Variants in CBLB observed in about 807,000 individuals in gnomAD.
The protein encoded by CBLB is Cbl proto-oncogene B, also known as E3 ubiquitin-protein ligase CBL-B.
Under a neutral mutation model 104.9 loss-of-function variants are expected in CBLB, and 31 were observed. That is an observed-to-expected ratio of 0.30 (90% CI 0.22 to 0.40). The LOEUF is 0.40. Among genes scored for constraint, CBLB ranks in the 10% least tolerant of loss-of-function variants. CBLB has a pLI of 1.00. For synonymous variants in CBLB, 440 were observed against 422.6 expected (o/e 1.04, Z -0.51); for missense variants, 1,062 against 1,214.6 (o/e 0.87, Z 1.87).
At chr3:105,722,317 G>A (rs1274491926) in intron 9 of CBLB, among the ~76,000 whole-genome samples, 1 of 151,558 alleles carries the variant, frequency 6.6e-6, no homozygotes, top group African/African-American at 2.4e-5. Flanking sequence ...GACGTACATA[G>A]TCTCATACAT....
At chr3:105,781,818 T>C (rs1577138820) in intron 3 of CBLB, among the ~76,000 whole-genome samples, 1 of 152,308 alleles carries the variant, frequency 6.6e-6, no homozygotes, top group East Asian at 1.9e-4. Context: ...GGTGATACTT[T>C]TACCCAAAAA....
At chr3:105,730,825 C>T (rs545709975) in intron 9 of CBLB, among the ~76,000 whole-genome samples, 3 of 152,240 alleles carry the variant, frequency 2.0e-5, no homozygotes, top group Middle Eastern at 3.4e-3. Flanking sequence ...TTTCAACCTT[C>T]TGAATAGTTT....
chr3:105,819,637 TATCATCAGAACTTTGCAGGA>T (rs2085549645), intron 3 of CBLB, among the ~76,000 whole-genome samples: 1 of 152,198 alleles, frequency 6.6e-6, no homozygotes, highest in African/African-American at 2.4e-5. Flanking sequence ...ACAAATGTGA[TATCATCAGAACTTTGCAGGA>T]ATTGATAAGA....
intron 3 of CBLB, among the ~76,000 whole-genome samples, chr3:105,777,214 G>A (rs1157254467): frequency 6.6e-6 from 1 of 152,202 alleles, no homozygotes; most frequent in Non-Finnish European, 1.5e-5. Flanking sequence ...CACAGTTTTT[G>A]TTATACATGC....
chr3:105,809,231 G>A (rs1360761353), intron 3 of CBLB, among the ~76,000 whole-genome samples: 1 of 152,178 alleles, frequency 6.6e-6, no homozygotes, highest in Non-Finnish European at 1.5e-5. Context: ...AGTTTAAAAA[G>A]TATTATGTAT....
intron 3 of CBLB, among the ~76,000 whole-genome samples, chr3:105,821,314 A>G (rs2085830431): frequency 6.6e-6 from 1 of 150,990 alleles, no homozygotes; most frequent in Admixed American, 6.6e-5. Context: ...AAATGGTGAT[A>G]TAACTGCCTA....
At chr3:105,786,407 T>C (rs1217547417) in intron 3 of CBLB, among the ~76,000 whole-genome samples, 1 of 152,138 alleles carries the variant, frequency 6.6e-6, no homozygotes, top group Non-Finnish European at 1.5e-5. Flanking sequence ...CTCACTGCAA[T>C]GTCTCCGGTA....
chr3:105,738,809 T>C (rs2075232171), intron 7 of CBLB, among the ~76,000 whole-genome samples: 2 of 152,140 alleles, frequency 1.3e-5, no homozygotes. Context: ...AGCAAATTTA[T>C]GAAAATTAGA....
In CBLB at chr3:105,678,637, A is replaced by G. The variant is rs180898232; in HGVS notation, c.2429-66T>C. On this transcript the variant is annotated intron_variant, in intron 16 of 18. Transcript: ENST00000394030. ...TTAATCAAAATACACAGCATCTAACAAAAGTAATAATTGATTTTCTCTTGC... is the reference window on the plus strand; with the variant it reads ...TTAATCAAAATACACAGCATCTAACGAAAGTAATAATTGATTTTCTCTTGC... The G allele has an allele frequency of 2.4e-4, 359 of 1,483,264 alleles. 1 individual carries two copies. The African/African-American group carries it at 4.4e-3, about 18-fold the overall frequency. 91.9% of individuals were successfully genotyped at this position (1,483,264 alleles called of 1,614,324 possible).
intron 9 of CBLB, among the ~76,000 whole-genome samples, chr3:105,726,602 A>G (rs9872460): frequency 0.99 from 149,405 of 151,500 alleles, 73,710 homozygotes; most frequent in Non-Finnish European, 1. Flanking sequence ...TGTGCAGAAC[A>G]TGCAGGTTTG....
chr3:105,658,900 A>G lies in CBLB; in HGVS notation c.*70T>C. The G allele has an allele frequency of 6.6e-7, 1 of 1,525,506 alleles. No homozygotes were observed. The highest frequency in any genetic ancestry group is 9.1e-7 in the Non-Finnish European group (1 of 1,102,622). The allele number at this position is 1,525,506 out of a possible 1,614,324, so 94.5% of individuals were successfully genotyped here. A position where few individuals can be genotyped will look rare whatever the true frequency, so the allele number is the denominator to read the frequency against. On this transcript the variant is annotated 3_prime_UTR_variant, in exon 19 of 19. Transcript: ENST00000394030. ...ACACTTCTCTCTTGAATTCCATCTC[A>G]GTTCTCTTTATTTCCACACTCTTGG...
At chr3:105,792,827 G>C (rs937006968) in intron 3 of CBLB, among the ~76,000 whole-genome samples, 1 of 152,106 alleles carries the variant, frequency 6.6e-6, no homozygotes, top group Non-Finnish European at 1.5e-5. Context: ...ATTAACCTCT[G>C]AGATTCCTAA....
intron 3 of CBLB, among the ~76,000 whole-genome samples, chr3:105,826,303 C>T (rs74354507): frequency 0.074 from 11,295 of 152,126 alleles, 573 homozygotes; most frequent in East Asian, 0.29. Context: ...GTAATAAAAC[C>T]ATATAACAAG....
chr3:105,686,753 A>T (rs2067058055), intron 13 of CBLB, among the ~76,000 whole-genome samples: 1 of 152,144 alleles, frequency 6.6e-6, no homozygotes, highest in Non-Finnish European at 1.5e-5. Flanking sequence ...TATCTTTGAA[A>T]AAAATTTCAA....
chr3:105,694,780 T>C (rs2068124654), intron 12 of CBLB, among the ~76,000 whole-genome samples: 1 of 151,834 alleles, frequency 6.6e-6, no homozygotes. Context: ...TTTTCATGTT[T>C]CCCTTCATTA....
chr3:105,737,262 A>T lies in CBLB; in HGVS notation c.984-4T>A. 1 of 1,456,532 alleles carries T rather than the reference A, an allele frequency of 6.9e-7. No individual in the cohort carries two copies. Among genetic ancestry groups the T allele is most frequent in the Non-Finnish European group, 9.6e-7 (1 of 1,045,236 alleles). 90.2% of individuals were successfully genotyped at this position (1,456,532 alleles called of 1,614,324 possible). On this transcript the variant is annotated splice_polypyrimidine_tract_variant and splice_region_variant and intron_variant, in intron 7 of 18. Transcript: ENST00000394030. ...CCTCCCATCAGGATAAAGATAACTGAATTTAAACAGAAACTTTATTACCTT... is the reference window on the plus strand; with the variant it reads ...CCTCCCATCAGGATAAAGATAACTGTATTTAAACAGAAACTTTATTACCTT...
intron 9 of CBLB, among the ~76,000 whole-genome samples, chr3:105,733,219 C>T (rs1272652974): frequency 2.0e-5 from 3 of 151,788 alleles, no homozygotes; most frequent in Non-Finnish European, 2.9e-5. Context: ...TAGCTGGGCA[C>T]GGTGGCGGGC....
chr3:105,710,338 T>C (rs1050324234), intron 10 of CBLB, among the ~76,000 whole-genome samples: 3 of 151,904 alleles, frequency 2.0e-5, no homozygotes, highest in Non-Finnish European at 2.9e-5. Flanking sequence ...AATATAAGTA[T>C]GGAAAAATTA....
chr3:105,702,002 G>T, intron 12 of CBLB, 92 bp downstream of exon 12: 1 of 1,395,038 alleles, frequency 7.2e-7, no homozygotes, highest in Non-Finnish European at 1.0e-6. Flanking sequence ...GCCATGCTAG[G>T]CAAAAAAAAA....
Sources: allele counts gnomAD v4.1 joint callset (sites outside exome capture counted in the v4.1 genomes callset), GRCh38; gene constraint gnomAD v4.1.1; transcripts MANE v1.5; gene names NCBI Gene and HGNC (gene_info 2026-07-23, HGNC 2026-07-21).